GNAQ: variants seen among roughly 807,000 people sequenced by gnomAD.
The protein encoded by GNAQ is guanine nucleotide-binding protein G(q) subunit alpha.
In GNAQ, 8 loss-of-function variants were observed where a neutral mutation model predicts 43.9. The observed-to-expected ratio is 0.18, with a 90% CI of 0.11 to 0.33. The LOEUF is 0.33. Ranked by LOEUF, GNAQ falls within the 10% of genes least tolerant of loss-of-function variation. GNAQ has a pLI of 1.00. For synonymous variants in GNAQ, 155 were observed against 170.7 expected (o/e 0.91, Z 0.71); for missense variants, 158 against 450.8 (o/e 0.35, Z 5.88).
rs747678830 is a variant in GNAQ, at chr9:77,929,762, G to A, written c.137-7417C>T. 4.6e-5 allele frequency among the ~76,000 whole-genome samples: 7 copies of A among 152,216 alleles called. No individual in the cohort carries two copies. In the East Asian group the frequency reaches 5.8e-4, roughly 13 times the overall value. On this transcript the variant is annotated intron_variant, in intron 1 of 6. Transcript: ENST00000286548. ...GAAGAATCAATTGAACCCAAGAGGC[G>A]AAAGCTGCAGTGAACAGAGATCACA...
chr9:77,853,809 C>T (rs1351621570), intron 2 of GNAQ, among the ~76,000 whole-genome samples: 3 of 139,054 alleles, frequency 2.2e-5, no homozygotes, highest in African/African-American at 8.0e-5. Context: ...AACCCACAGG[C>T]ACTATTTCAT....
chr9:77,726,697 C>T (rs1825401387), intron 6 of GNAQ, among the ~76,000 whole-genome samples: 1 of 152,148 alleles, frequency 6.6e-6, no homozygotes, highest in Admixed American at 6.5e-5. Flanking sequence ...GTTATATCAC[C>T]TCTATGGTAG....
chr9:77,938,213 G>A (rs1249263080), intron 1 of GNAQ, among the ~76,000 whole-genome samples: 1 of 152,084 alleles, frequency 6.6e-6, no homozygotes, highest in Non-Finnish European at 1.5e-5. Context: ...TATTTTTATT[G>A]TTACTTATTT....
chr9:77,944,895 G>A (rs1041591785), intron 1 of GNAQ, among the ~76,000 whole-genome samples: 1 of 152,150 alleles, frequency 6.6e-6, no homozygotes, highest in Non-Finnish European at 1.5e-5. Flanking sequence ...TAAATCCAAA[G>A]AGAGCAAAGG....
chr9:77,887,231 T>C (rs974832967), intron 2 of GNAQ, among the ~76,000 whole-genome samples: 3 of 152,238 alleles, frequency 2.0e-5, no homozygotes, highest in Non-Finnish European at 2.9e-5. Flanking sequence ...TGAGCTTGCT[T>C]TGACTGATGA....
chr9:77,981,270 CA>C (rs980517543), intron 1 of GNAQ, among the ~76,000 whole-genome samples: 7 of 150,960 alleles, frequency 4.6e-5, no homozygotes, highest in East Asian at 1.9e-4. Flanking sequence ...TCAATCAAGA[CA>C]AAAAAAATAG....
chr9:77,920,193 A>G (rs1041337252), intron 2 of GNAQ, among the ~76,000 whole-genome samples: 3 of 152,144 alleles, frequency 2.0e-5, no homozygotes, highest in East Asian at 1.9e-4. Flanking sequence ...ATATTCTTCA[A>G]TGTGTTACAT....
intron 3 of GNAQ, among the ~76,000 whole-genome samples, chr9:77,802,973 T>TG (rs1425993385): frequency 6.6e-5 from 10 of 152,228 alleles, no homozygotes; most frequent in Non-Finnish European, 2.9e-5. Flanking sequence ...TCCACATGTT[T>TG]GCCCAGTTAG....
intron 5 of GNAQ, among the ~76,000 whole-genome samples, chr9:77,761,851 G>A (rs1419184996): frequency 1.2e-5 from 1 of 82,694 alleles, no homozygotes. Flanking sequence ...AGGGAGGTGG[G>A]GGGGGTCAGC....
intron 1 of GNAQ, among the ~76,000 whole-genome samples, chr9:77,932,037 A>C (rs180811536): frequency 2.0e-5 from 3 of 152,344 alleles, no homozygotes; most frequent in Admixed American, 2.0e-4. Context: ...ATTAATACCC[A>C]AAATTCACAA....
intron 2 of GNAQ, among the ~76,000 whole-genome samples, chr9:77,861,109 T>C (rs909836172): frequency 2.6e-5 from 4 of 152,134 alleles, no homozygotes; most frequent in African/African-American, 7.2e-5. Flanking sequence ...ACAATCATGA[T>C]GGAAGGCAAG....
At chr9:77,891,481 G>T (rs1828404600) in intron 2 of GNAQ, among the ~76,000 whole-genome samples, 1 of 152,136 alleles carries the variant, frequency 6.6e-6, no homozygotes, top group African/African-American at 2.4e-5. Context: ...CACATAATTT[G>T]GAAGAAAATT....
intron 5 of GNAQ, among the ~76,000 whole-genome samples, chr9:77,760,859 G>A (rs1279428265): frequency 3.3e-4 from 49 of 147,960 alleles, no homozygotes; most frequent in African/African-American, 1.1e-3. Flanking sequence ...TTGCGCCACC[G>A]CCCCGTCTGG....
chr9:77,762,011 C>T (rs1268108355), intron 5 of GNAQ, among the ~76,000 whole-genome samples: 1 of 140,366 alleles, frequency 7.1e-6, no homozygotes. Context: ...CTCTGCCCGG[C>T]CGCCCCTCCT....
chr9:77,815,084 C>T (rs1386025375), intron 3 of GNAQ, among the ~76,000 whole-genome samples: 4 of 152,222 alleles, frequency 2.6e-5, no homozygotes, highest in South Asian at 4.2e-4. Context: ...GAAATTTTCA[C>T]GCAAAGGAAA....
intron 1 of GNAQ, among the ~76,000 whole-genome samples, chr9:77,944,933 T>C (rs1822865364): frequency 1.3e-5 from 2 of 152,238 alleles, no homozygotes; most frequent in South Asian, 4.1e-4. Flanking sequence ...TCTGCTCATG[T>C]GGGCTGTCCC....
chr9:77,801,521 T>G (rs760937235), intron 3 of GNAQ, among the ~76,000 whole-genome samples: 1 of 152,184 alleles, frequency 6.6e-6, no homozygotes, highest in Non-Finnish European at 1.5e-5. Flanking sequence ...GCTTCATAAA[T>G]TTCTGGTTAA....
intron 1 of GNAQ, 106 bp downstream of exon 1, chr9:78,030,994 A>C (rs1311855764): frequency 7.2e-6 from 6 of 828,694 alleles, no homozygotes; most frequent in Non-Finnish European, 9.7e-6. Flanking sequence ...GGTAGGGGCG[A>C]ACCGCGGGCG....
At chr9:77,825,465 A>G (rs976226710) in intron 2 of GNAQ, among the ~76,000 whole-genome samples, 1 of 152,178 alleles carries the variant, frequency 6.6e-6, no homozygotes. Context: ...AGCTGATTCA[A>G]GCAGACGGTA....
Sources: gnomAD v4.1 joint callset for allele counts (sites outside exome capture counted in the v4.1 genomes callset) on GRCh38, gnomAD v4.1.1 for gene constraint, MANE v1.5 for transcripts, NCBI Gene and HGNC (gene_info 2026-07-23, HGNC 2026-07-21) for gene names.